Variants in SLC39A9 observed in about 807,000 individuals in gnomAD.
The protein encoded by SLC39A9 is zinc transporter ZIP9.
In SLC39A9, 14 loss-of-function variants were observed where a neutral mutation model predicts 28.4. The ratio of observed to expected loss-of-function variants is 0.49; its 90% CI spans 0.33 to 0.77. The LOEUF (loss-of-function observed/expected upper bound fraction) is 0.77, where lower values mean the gene tolerates loss of function less well. SLC39A9 is among the 30% of genes least tolerant of loss of function. SLC39A9 has a pLI of 0.02. For missense variants in SLC39A9, 283 were observed against 381.1 expected, an observed-to-expected ratio of 0.74 and a Z score of 2.14; for synonymous variants, 119 against 149.6, an observed-to-expected ratio of 0.80 and a Z score of 1.49.
intron 1 of SLC39A9, among the ~76,000 whole-genome samples, chr14:69,419,076 A>C (rs1483443141): frequency 6.6e-6 from 1 of 151,756 alleles, no homozygotes; most frequent in Non-Finnish European, 1.5e-5. Flanking sequence ...TTGCTTCTCT[A>C]GTTCTTTTGT....
At chr14:69,432,071 G>A (rs892058168) in intron 2 of SLC39A9, among the ~76,000 whole-genome samples, 4 of 152,128 alleles carry the variant, frequency 2.6e-5, no homozygotes, top group African/African-American at 7.2e-5. Context: ...CTTTTGGATA[G>A]ATATGCAGTA....
chr14:69,446,585 G>A (rs1234037697), intron 3 of SLC39A9, among the ~76,000 whole-genome samples: 1 of 151,904 alleles, frequency 6.6e-6, no homozygotes, highest in Non-Finnish European at 1.5e-5. Context: ...CAAAAAATGG[G>A]AATCTGGCTG....
At chr14:69,419,539 C>T (rs951590361) in intron 1 of SLC39A9, among the ~76,000 whole-genome samples, 4 of 152,178 alleles carry the variant, frequency 2.6e-5, no homozygotes, top group African/African-American at 9.7e-5. Context: ...GAGTTGAGTT[C>T]AAGTCCTGGA....
intron 2 of SLC39A9, among the ~76,000 whole-genome samples, chr14:69,441,471 G>C (rs2139425980): frequency 6.6e-6 from 1 of 152,238 alleles, no homozygotes; most frequent in Non-Finnish European, 1.5e-5. Context: ...CTGCAGTTCA[G>C]AGTCTCCCAA....
At chr14:69,413,509 C>T (rs902832766) in intron 1 of SLC39A9, among the ~76,000 whole-genome samples, 4 of 152,220 alleles carry the variant, frequency 2.6e-5, no homozygotes, top group Middle Eastern at 3.4e-3. Flanking sequence ...AGGATATAAT[C>T]TCAGAATAAA....
At chr14:69,452,145 G>T (rs573480839) in intron 3 of SLC39A9, among the ~76,000 whole-genome samples, 25 of 152,218 alleles carry the variant, frequency 1.6e-4, no homozygotes, top group Non-Finnish European at 2.8e-4. Context: ...CTTGGGGAAA[G>T]GAGAATAAGA....
intron 2 of SLC39A9, among the ~76,000 whole-genome samples, chr14:69,438,336 T>G (rs1460965510): frequency 6.6e-6 from 1 of 152,140 alleles, no homozygotes; most frequent in African/African-American, 2.4e-5. Flanking sequence ...CTTTCTTTAT[T>G]GTAGACCAAA....
At chr14:69,440,639 G>C (rs527460782) in intron 2 of SLC39A9, among the ~76,000 whole-genome samples, 1 of 152,224 alleles carries the variant, frequency 6.6e-6, no homozygotes, top group Non-Finnish European at 1.5e-5. Flanking sequence ...CATTGTAACT[G>C]TTGTAAGGTT....
chr14:69,437,202 A>G (rs748822089), intron 2 of SLC39A9, among the ~76,000 whole-genome samples: 17 of 152,004 alleles, frequency 1.1e-4, no homozygotes, highest in Non-Finnish European at 2.2e-4. Flanking sequence ...GGCCAGAAAG[A>G]TGGGGTTTTA....
In SLC39A9 at chr14:69,459,885, T is replaced by A; in HGVS notation, c.*1292T>A. On this transcript the variant is annotated 3_prime_UTR_variant, in exon 7 of 7. Coordinates refer to ENST00000336643, the MANE Select transcript of SLC39A9 (RefSeq NM_018375.5). ...TGTAATAATGAAGATAATAATATCT[T>A]TATTCTTTATCCCCCTTCAAAGAAA... is the stretch of plus-strand genomic sequence containing the variant. 1 of 985,326 alleles carries A rather than the reference T, an allele frequency of 1.0e-6. No individual in the cohort carries two copies. Among genetic ancestry groups the A allele is most frequent in the Non-Finnish European group, 1.2e-6 (1 of 829,784 alleles). The allele number at this position is 985,326 out of a possible 1,614,324, so 61.0% of individuals were successfully genotyped here. A position where few individuals can be genotyped will look rare whatever the true frequency, so the allele number is the denominator to read the frequency against.
chr14:69,407,331 T>TTCCTTCCTTCCTTCCTTC lies in SLC39A9; in HGVS notation c.96+7866_96+7867insTCCTTCCTTCCTTCCTTC, dbSNP rs1566906764. On this transcript the variant is annotated intron_variant, in intron 1 of 6. Coordinates refer to ENST00000336643, the MANE Select transcript of SLC39A9 (RefSeq NM_018375.5). Reference sequence around the variant, plus strand: ...TCCTTCCTTCCTTCCTTCCTTCCTTTCTTCCTTCCTTTCTTCTTTCCTTCC... The same window carrying TTCCTTCCTTCCTTCCTTC: ...TCCTTCCTTCCTTCCTTCCTTCCTTTTCCTTCCTTCCTTCCTTCCTTCCTTCCTTTCTTCTTTCCTTCC... 8.5e-3 allele frequency among the ~76,000 whole-genome samples: 1,140 copies of TTCCTTCCTTCCTTCCTTC among 134,096 alleles called. 7 individuals carry two copies. Among genetic ancestry groups the TTCCTTCCTTCCTTCCTTC allele is most frequent in the Middle Eastern group, 0.019 (5 of 258 alleles). 88.0% of individuals were successfully genotyped at this position (134,096 alleles called of 152,430 possible).
Position 69,453,319 on chromosome 14 carries a change from G to A in SLC39A9, c.472+10G>A, listed in dbSNP as rs1272522086. The A allele has an allele frequency of 6.2e-7, 1 of 1,613,326 alleles. No homozygotes were observed. Among genetic ancestry groups the A allele is most frequent in the Admixed American group, 1.7e-5 (1 of 59,998 alleles). On this transcript the variant is annotated intron_variant, in intron 4 of 6. Coordinates refer to ENST00000336643, the MANE Select transcript of SLC39A9 (RefSeq NM_018375.5). ...GTTGTCCATGCTGCAGGTAGGGTTG[G>A]ATTGCAGTGGAACTTCTTTGTTTTC...
chr14:69,436,704 T>C (rs1958121), intron 2 of SLC39A9, among the ~76,000 whole-genome samples: 68,680 of 151,932 alleles, frequency 0.45, 15,716 homozygotes, highest in Middle Eastern at 0.59. Context: ...AGAACCCCTC[T>C]CTCAGCTCTT....
intron 3 of SLC39A9, among the ~76,000 whole-genome samples, chr14:69,451,343 T>G (rs546842792): frequency 6.6e-6 from 1 of 152,384 alleles, no homozygotes; most frequent in South Asian, 2.1e-4. Flanking sequence ...TTGACTGATG[T>G]TCATCTGTCA....
At chr14:69,419,934 G>A (rs1333990093) in intron 1 of SLC39A9, among the ~76,000 whole-genome samples, 2 of 152,100 alleles carry the variant, frequency 1.3e-5, no homozygotes, top group Non-Finnish European at 2.9e-5. Context: ...ACACTGATGG[G>A]TCTTAACTCT....
chr14:69,409,719 T>C (rs1259516308), intron 1 of SLC39A9, among the ~76,000 whole-genome samples: 1 of 152,244 alleles, frequency 6.6e-6, no homozygotes, highest in Non-Finnish European at 1.5e-5. Context: ...TGTTTTTACA[T>C]TTTTGTCATG....
Position 69,460,415 on chromosome 14 carries a change from C to T in SLC39A9, c.*1822C>T. On this transcript the variant is annotated 3_prime_UTR_variant, in exon 7 of 7. Coordinates refer to ENST00000336643, the MANE Select transcript of SLC39A9 (RefSeq NM_018375.5). Reference sequence around the variant, plus strand: ...AAGAGAAGGTATAGTATGGAAAGTCCAAATGACTTCCTTGATTGGATGTTA... The same window carrying T: ...AAGAGAAGGTATAGTATGGAAAGTCTAAATGACTTCCTTGATTGGATGTTA... 6.1e-6 allele frequency: 6 copies of T among 985,446 alleles called. No individual in the cohort carries two copies. The highest frequency in any genetic ancestry group is 7.2e-6 in the Non-Finnish European group (6 of 829,940). 61.0% of individuals were successfully genotyped at this position (985,446 alleles called of 1,614,324 possible). A position where few individuals can be genotyped will look rare whatever the true frequency, so the allele number is the denominator to read the frequency against.
intron 2 of SLC39A9, among the ~76,000 whole-genome samples, chr14:69,435,108 T>C (rs895409195): frequency 1.3e-5 from 2 of 152,236 alleles, no homozygotes; most frequent in African/African-American, 2.4e-5. Context: ...TTCTATATCT[T>C]TGCTGATTTT....
intron 3 of SLC39A9, among the ~76,000 whole-genome samples, chr14:69,443,188 A>G (rs941500072): frequency 6.6e-6 from 1 of 152,236 alleles, no homozygotes; most frequent in African/African-American, 2.4e-5. Flanking sequence ...GAGAGTTATA[A>G]AACTTCTCCA....
Sources: allele counts gnomAD v4.1 joint callset (sites outside exome capture counted in the v4.1 genomes callset), GRCh38; gene constraint gnomAD v4.1.1; transcripts MANE v1.5; gene names NCBI Gene and HGNC (gene_info 2026-07-23, HGNC 2026-07-21).